Variants in PTPRZ1 observed in about 807,000 individuals in gnomAD.
PTPRZ1 encodes protein tyrosine phosphatase receptor type Z1.
Under a neutral mutation model 214.1 loss-of-function variants are expected in PTPRZ1, and 82 were observed. That is an observed-to-expected ratio of 0.38 (90% CI 0.32 to 0.46). PTPRZ1 has a LOEUF of 0.46. PTPRZ1 is among the 20% of genes least tolerant of loss of function. PTPRZ1 has a pLI of 1.00. For synonymous variants in PTPRZ1, 945 were observed against 987.9 expected, an observed-to-expected ratio of 0.96 and a Z score of 0.81; for missense variants, 2,603 against 2,748.7, an observed-to-expected ratio of 0.95 and a Z score of 1.19.
chr7:121,904,189 A>G (rs561373606), intron 1 of PTPRZ1, among the ~76,000 whole-genome samples: 2 of 152,306 alleles, frequency 1.3e-5, no homozygotes, highest in South Asian at 4.1e-4. Context: ...GCAAGAGTGC[A>G]TGCACCTCCA....
intron 18 of PTPRZ1, 78 bp downstream of exon 18, chr7:122,036,760 C>A: frequency 2.2e-6 from 2 of 915,200 alleles, no homozygotes; most frequent in African/African-American, 1.7e-5. Flanking sequence ...TACATGCATA[C>A]ATATACTAGT....
intron 8 of PTPRZ1, among the ~76,000 whole-genome samples, chr7:121,989,226 AGAG>A (rs1172297080): frequency 4.6e-5 from 7 of 152,240 alleles, no homozygotes; most frequent in African/African-American, 1.7e-4. Flanking sequence ...CAGTTAAAAA[AGAG>A]GAGAAATGAA....
chr7:121,967,209 GA>G (rs1232495286), intron 2 of PTPRZ1, among the ~76,000 whole-genome samples: 1 of 152,098 alleles, frequency 6.6e-6, no homozygotes, highest in Non-Finnish European at 1.5e-5. Flanking sequence ...TGGAACATGT[GA>G]AAATTTAGTT....
chr7:122,058,278 A>G (rs1465388244), intron 27 of PTPRZ1, among the ~76,000 whole-genome samples: 2 of 152,038 alleles, frequency 1.3e-5, no homozygotes, highest in East Asian at 3.9e-4. Flanking sequence ...TAAGGGATTT[A>G]TCAAGTCACA....
chr7:121,903,666 CT>C (rs889873992), intron 1 of PTPRZ1, among the ~76,000 whole-genome samples: 6 of 152,134 alleles, frequency 3.9e-5, no homozygotes, highest in African/African-American at 1.4e-4. Flanking sequence ...TTTCGGCTCA[CT>C]TTGGTTTTTA....
chr7:122,006,032 T>C (rs1003746194), intron 11 of PTPRZ1, among the ~76,000 whole-genome samples: 3 of 152,122 alleles, frequency 2.0e-5, no homozygotes, highest in African/African-American at 4.8e-5. Flanking sequence ...CCAATGTTAA[T>C]TACTAGTAAA....
chr7:121,901,072 A>G (rs963490873), intron 1 of PTPRZ1, among the ~76,000 whole-genome samples: 1 of 152,170 alleles, frequency 6.6e-6, no homozygotes, highest in African/African-American at 2.4e-5. Flanking sequence ...TTTTAGTAGT[A>G]TATGTCCTGA....
At chr7:122,001,737 G>GT (rs892679182) in intron 10 of PTPRZ1, among the ~76,000 whole-genome samples, 30 of 151,836 alleles carry the variant, frequency 2.0e-4, no homozygotes, top group South Asian at 6.3e-4. Context: ...TTCCTAATGT[G>GT]TTTTTTTTAA....
At chr7:122,040,780 GTGTTTGAC>G in intron 20 of PTPRZ1, 28 bp from the exon 21 acceptor site, 2 of 1,120,828 alleles carry the variant, frequency 1.8e-6, no homozygotes, top group Non-Finnish European at 2.5e-6. Context: ...GTGTGTGTGT[GTGTTTGAC>G]TGTTATTAAC....
At position 122,011,513 on chromosome 7, in the gene PTPRZ1, T is replaced by A; in HGVS notation, c.2467T>A (p.Ser823Thr). 1 of 1,614,074 alleles carries A rather than the reference T, an allele frequency of 6.2e-7. No individual in the cohort carries two copies. The highest frequency in any genetic ancestry group is 1.3e-5 in the African/African-American group (1 of 75,064). Reference sequence around the variant, plus strand: ...TGATGGTGCACCTTTGCTTCCATTTTCCTCTGCTTCCTTCAGTAGTGAATT... The same window carrying A: ...TGATGGTGCACCTTTGCTTCCATTTACCTCTGCTTCCTTCAGTAGTGAATT... ...SYDGAPLLPF[S>T]SASFSSELFR... Residue 823 changes from serine (S) to threonine (T), a missense_variant, in exon 12 of 30, where the codon TCC becomes ACC. Physicochemically the swap from Ser to Thr is moderately conservative, Grantham distance 58. Around this residue, in one of 6 missense-constraint regions of PTPRZ1, gnomAD observed 1,913 missense variants for 1,914.3 expected, o/e 1.00. Transcript: ENST00000393386.
Position 122,011,242 on chromosome 7 carries a change from C to T in PTPRZ1, c.2196C>T (p.Ser732=). 6.2e-7 allele frequency: 1 copy of T among 1,614,044 alleles called. No individual in the cohort carries two copies. Among genetic ancestry groups the T allele is most frequent in the Non-Finnish European group, 8.5e-7 (1 of 1,179,966 alleles). ...CACCTCATGCTTTTACCCCATCCTC[C>T]AGACAACAGGATTTGGTCTCCACGG... ...EVTPHAFTPS[S]RQQDLVSTVN... Residue 732 remains serine, a synonymous_variant, in exon 12 of 30, where the codon TCC becomes TCT. Transcript: ENST00000393386.
chr7:121,987,606 G>A (rs946963985), intron 8 of PTPRZ1, among the ~76,000 whole-genome samples: 1 of 152,144 alleles, frequency 6.6e-6, no homozygotes, highest in Admixed American at 6.5e-5. Flanking sequence ...CATTCTGAAT[G>A]GTATGAGATG....
chr7:121,947,408 A>T (rs1042431121), intron 2 of PTPRZ1, among the ~76,000 whole-genome samples: 1 of 152,048 alleles, frequency 6.6e-6, no homozygotes, highest in East Asian at 1.9e-4. Context: ...TGAAAATTTT[A>T]ATTGCTTAAT....
At chr7:122,032,863 G>T (rs1390796969) in intron 15 of PTPRZ1, among the ~76,000 whole-genome samples, 1 of 152,090 alleles carries the variant, frequency 6.6e-6, no homozygotes, top group Non-Finnish European at 1.5e-5. Flanking sequence ...ATAATTACAT[G>T]TCTAAAACAT....
chr7:121,891,376 A>G lies in PTPRZ1; in HGVS notation c.58+17819A>G, dbSNP rs886175161. 4.0e-5 allele frequency among the ~76,000 whole-genome samples: 6 copies of G among 148,178 alleles called. No homozygotes were observed. The South Asian group carries it at 1.3e-3, about 32-fold the overall frequency. On this transcript the variant is annotated intron_variant, in intron 1 of 29. Transcript: ENST00000393386. Reference sequence around the variant, plus strand: ...TTGAAGGTTTTTGTGTTTGTTCACCATGGAGCCCCAGACCCTAGCATAATG... The same window carrying G: ...TTGAAGGTTTTTGTGTTTGTTCACCGTGGAGCCCCAGACCCTAGCATAATG...
intron 1 of PTPRZ1, among the ~76,000 whole-genome samples, chr7:121,918,050 A>G (rs1795477625): frequency 6.6e-6 from 1 of 152,072 alleles, no homozygotes; most frequent in Non-Finnish European, 1.5e-5. Context: ...CCGGCTAAAA[A>G]AAAAAAAAAA....
intron 13 of PTPRZ1, among the ~76,000 whole-genome samples, chr7:122,020,280 A>T (rs7808078): frequency 0.095 from 14,429 of 152,238 alleles, 880 homozygotes; most frequent in East Asian, 0.2. Context: ...AGAGTCAGTG[A>T]TTTGAAGAAA....
intron 10 of PTPRZ1, among the ~76,000 whole-genome samples, chr7:122,004,086 G>C (rs1364797947): frequency 2.0e-5 from 3 of 152,118 alleles, no homozygotes. Context: ...ATAGAAATAG[G>C]TATGAGGCCA....
intron 1 of PTPRZ1, among the ~76,000 whole-genome samples, chr7:121,907,148 G>A (rs1795140764): frequency 6.6e-6 from 1 of 151,820 alleles, no homozygotes; most frequent in Admixed American, 6.6e-5. Context: ...AAAAGAATAA[G>A]TTAAATTATG....
Sources: allele counts gnomAD v4.1 joint callset (sites outside exome capture counted in the v4.1 genomes callset), GRCh38; gene constraint gnomAD v4.1.1; regional missense constraint gnomAD v4.1.1; transcripts MANE v1.5; gene names NCBI Gene and HGNC (gene_info 2026-07-23, HGNC 2026-07-21).